ACAP1: variants seen among roughly 807,000 people sequenced by gnomAD.
The protein encoded by ACAP1 is arf-GAP with coiled-coil, ANK repeat and PH domain-containing protein 1.
In ACAP1, 45 loss-of-function variants were observed where a neutral mutation model predicts 98.8. The observed-to-expected ratio is 0.46, with a 90% confidence interval of 0.36 to 0.58. The LOEUF is 0.58. Ranked by LOEUF, ACAP1 falls within the 20% of genes least tolerant of loss-of-function variation. The pLI is 0.00. For synonymous variants in ACAP1, 362 were observed against 375.3 expected (o/e 0.96, Z 0.41); for missense variants, 735 against 971.4 (o/e 0.76, Z 3.24).
At chr17:7,351,133 C>G (rs899012113) in intron 21 of ACAP1, 134 bp downstream of exon 21, 31 of 1,123,396 alleles carry the variant, frequency 2.8e-5, no homozygotes, top group African/African-American at 2.3e-4. Flanking sequence ...GCGCATGCGA[C>G]GTGCCAGGCC....
Position 7,350,382 on chromosome 17 carries a change from A to T in ACAP1, c.2072+145A>T. 1 of 536,344 alleles carries T rather than the reference A, an allele frequency of 1.9e-6. No homozygotes were observed. Among genetic ancestry groups the T allele is most frequent in the Non-Finnish European group, 3.2e-6 (1 of 316,522 alleles). The allele number at this position is 536,344 out of a possible 1,614,324, so 33.2% of individuals were successfully genotyped here. On this transcript the variant is annotated intron_variant, in intron 20 of 21. Transcript: ENST00000158762. The surrounding 1 kb of genome is among the most constrained non-coding windows in gnomAD (Gnocchi z 4.6). ...AAGGGGCTGGGCCAGCGCCGGGGCC[A>T]GGCTCGAGAAAGGCTGCGCGAAGTG...
chr17:7,351,153 CAT>C (rs2143018918), intron 21 of ACAP1, 140 bp from the exon 22 acceptor site: 1 of 1,101,518 alleles, frequency 9.1e-7, no homozygotes, highest in South Asian at 1.4e-5. Flanking sequence ...CCTGGCAAGG[CAT>C]AGGTGCTGGC....
At chr17:7,347,343 G>A (rs1238397305) in intron 14 of ACAP1, 101 bp downstream of exon 14, 32 of 1,181,106 alleles carry the variant, frequency 2.7e-5, no homozygotes, top group Non-Finnish European at 3.3e-5. Context: ...CCCTGTCCTG[G>A]CTTCCTCTCT....
chr17:7,348,955 G>C (rs372578107), intron 17 of ACAP1, 40 bp from the exon 18 acceptor site: 14 of 1,589,738 alleles, frequency 8.8e-6, no homozygotes, highest in Non-Finnish European at 1.0e-5. Flanking sequence ...TCCCAGACTC[G>C]GAGCTGCTTC....
chr17:7,340,220 T>A (rs566660258), intron 2 of ACAP1, among the ~76,000 whole-genome samples: 2 of 151,750 alleles, frequency 1.3e-5, no homozygotes, highest in Non-Finnish European at 2.9e-5. Flanking sequence ...TGCAGTGAGC[T>A]ATGATCCCAC....
chr17:7,344,104 A>T lies in ACAP1; in HGVS notation c.725A>T (p.His242Leu). 6.3e-7 allele frequency: 1 copy of T among 1,581,626 alleles called. No individual in the cohort carries two copies. Among genetic ancestry groups the T allele is most frequent in the South Asian group, 1.2e-5 (1 of 86,902 alleles). The change falls in exon 9 of 22, where the codon CAC becomes CTC. Residue 242 changes from histidine to leucine, a missense_variant. This residue lies in a region of ACAP1 where 430 missense variants were observed against 531.8 expected (regional missense o/e 0.81). Transcript: ENST00000158762. This position sits in a 1 kb window ranked among gnomAD's most constrained non-coding sequence, Gnocchi z 4.9. Reference protein sequence around the residue: ...AREKRDMEQRHVLLKQKELGG... With the variant: ...AREKRDMEQRLVLLKQKELGG... ...GAGAAGAGGGACATGGAGCAGAGAC[A>T]CGTGCTGCTGAAACAGAAGGTGAGG... is the stretch of plus-strand genomic sequence containing the variant.
chr17:7,348,764 T>C (rs779155888), intron 17 of ACAP1: 22 of 581,854 alleles, frequency 3.8e-5, no homozygotes, highest in Non-Finnish European at 6.3e-5. Flanking sequence ...CCAAGTGTGG[T>C]TGGACCAGAT....
intron 2 of ACAP1, among the ~76,000 whole-genome samples, chr17:7,339,582 C>G (rs1007558679): frequency 2.6e-5 from 4 of 151,920 alleles, no homozygotes; most frequent in African/African-American, 9.7e-5. Context: ...CACACTCCAG[C>G]CTGCGGAGGT....
intron 2 of ACAP1, among the ~76,000 whole-genome samples, chr17:7,340,583 G>A (rs974515370): frequency 5.3e-5 from 8 of 152,200 alleles, no homozygotes; most frequent in Non-Finnish European, 1.0e-4. Flanking sequence ...AGTGGCTCAT[G>A]CCTGTAATCC....
Position 7,346,065 on chromosome 17 carries a change from T to TAGCA in ACAP1, c.855-178_855-175dup, listed in dbSNP as rs559622367. 8.9e-4 allele frequency: 587 copies of TAGCA among 663,134 alleles called. 4 individuals are homozygous for TAGCA. In the African/African-American group the frequency reaches 9.5e-3, roughly 11 times the overall value. The allele number at this position is 663,134 out of a possible 1,614,324, so 41.1% of individuals were successfully genotyped here. On this transcript the variant is annotated intron_variant, in intron 10 of 21. Transcript: ENST00000158762. ...AAATCTGGGTTGTCCAAGATAGGAA[T>TAGCA]AGCATCCTTTAGATGTTCCAATCTG...
rs1335357672 is a variant in ACAP1 at position 7,347,078 on chromosome 17, T to C, written c.1179T>C (p.Gly393=). 1.2e-6 allele frequency: 2 copies of C among 1,611,160 alleles called. No individual in the cohort carries two copies. The highest frequency in any genetic ancestry group is 1.7e-5 in the Admixed American group (1 of 59,792). Residue 393 remains glycine, a synonymous_variant, in exon 14 of 22, where the codon GGT becomes GGC. Transcript: ENST00000158762. ...AIGSAATLGS[G]GMARGREPGG... is the part of the protein sequence containing the mutation. ...GCTCTGCTGCCACCCTGGGCTCTGGTGGAATGGCCAGGGGAAGGGAGCCTG... is the reference window on the plus strand; with the variant it reads ...GCTCTGCTGCCACCCTGGGCTCTGGCGGAATGGCCAGGGGAAGGGAGCCTG...
chr17:7,339,963 C>G (rs2073259821), intron 2 of ACAP1, among the ~76,000 whole-genome samples: 1 of 152,122 alleles, frequency 6.6e-6, no homozygotes, highest in Non-Finnish European at 1.5e-5. Flanking sequence ...TCCCCCCTCA[C>G]TCAGAATAAT....
Position 7,350,644 on chromosome 17 carries a change from T to C in ACAP1, c.2073-306T>C, listed in dbSNP as rs550483675. Reference sequence around the variant, plus strand: ...TTTTTTTTGAGACGGAGTCTCACTCTGTCGCCCAGGCTAGAGTGCAGGGGC... The same window carrying C: ...TTTTTTTTGAGACGGAGTCTCACTCCGTCGCCCAGGCTAGAGTGCAGGGGC... On this transcript the variant is annotated intron_variant, in intron 20 of 21. Transcript: ENST00000158762. This position sits in a 1 kb window ranked among gnomAD's most constrained non-coding sequence, Gnocchi z 4.6. 42 of 392,030 alleles carry C rather than the reference T, an allele frequency of 1.1e-4. No homozygotes were observed. Among genetic ancestry groups the C allele is most frequent in the African/African-American group, 8.1e-4 (39 of 48,092 alleles). 24.3% of individuals were successfully genotyped at this position (392,030 alleles called of 1,614,324 possible). A position where few individuals can be genotyped will look rare whatever the true frequency, so the allele number is the denominator to read the frequency against.
chr17:7,346,758 G>C (rs746942191), intron 12 of ACAP1, 50 bp from the exon 13 acceptor site: 1 of 1,567,914 alleles, frequency 6.4e-7, no homozygotes, highest in Non-Finnish European at 8.7e-7. Context: ...CTGCCACTTT[G>C]CTTCCCAGGC....
chr17:7,347,066 C>T lies in ACAP1; in HGVS notation c.1167C>T (p.Thr389=). ...ACCTGGCCATAGGCTCTGCTGCCACCCTGGGCTCTGGTGGAATGGCCAGGG... is the reference window on the plus strand; with the variant it reads ...ACCTGGCCATAGGCTCTGCTGCCACTCTGGGCTCTGGTGGAATGGCCAGGG... The part of the protein sequence containing the change: ...SGHLAIGSAA[T]LGSGGMARGR... The change falls in exon 14 of 22, where the codon ACC becomes ACT. Residue 389 remains threonine (T), a synonymous_variant. Coordinates refer to ENST00000158762, the MANE Select transcript of ACAP1 (RefSeq NM_014716.4). 1 of 1,609,018 alleles carries T rather than the reference C, an allele frequency of 6.2e-7. No individual in the cohort carries two copies. The highest frequency in any genetic ancestry group is 8.5e-7 in the Non-Finnish European group (1 of 1,176,940).
rs1326307909 is a variant in ACAP1, at chr17:7,343,844, C to A, written c.574-17C>A. On this transcript the variant is annotated splice_polypyrimidine_tract_variant and intron_variant, in intron 7 of 21. Transcript: ENST00000158762. The surrounding 1 kb of genome is among the most constrained non-coding windows in gnomAD (Gnocchi z 4.9). Reference sequence around the variant, plus strand: ...GGGTTCTTCCTCAGCCTTCCCACTGCCCGCCTTGTCCCCCAGGTGCTGCGT... The same window carrying A: ...GGGTTCTTCCTCAGCCTTCCCACTGACCGCCTTGTCCCCCAGGTGCTGCGT... 6.2e-7 allele frequency: 1 copy of A among 1,613,984 alleles called. No individual in the cohort carries two copies. The highest frequency in any genetic ancestry group is 1.1e-5 in the South Asian group (1 of 91,082).
Position 7,350,880 on chromosome 17 carries a change from G to A in ACAP1, c.2073-70G>A, listed in dbSNP as rs1597656653. On this transcript the variant is annotated intron_variant, in intron 20 of 21. Coordinates refer to ENST00000158762, the MANE Select transcript of ACAP1 (RefSeq NM_014716.4). The surrounding 1 kb of genome is among the most constrained non-coding windows in gnomAD (Gnocchi z 4.6). ...CTGCCTCGGCCTCCCAAAGTGTTGG[G>A]ATTACAGGCGTGAGCCACCGCGCCC... 1 of 1,515,122 alleles carries A rather than the reference G, an allele frequency of 6.6e-7. No individual in the cohort carries two copies. Among genetic ancestry groups the A allele is most frequent in the Admixed American group, 1.7e-5 (1 of 59,614 alleles). The allele number at this position is 1,515,122 out of a possible 1,614,324, so 93.9% of individuals were successfully genotyped here.
intron 2 of ACAP1, among the ~76,000 whole-genome samples, chr17:7,337,704 A>G (rs974478826): frequency 6.6e-6 from 1 of 152,016 alleles, no homozygotes; most frequent in Non-Finnish European, 1.5e-5. Flanking sequence ...AAATGCAAAA[A>G]TCATCCAGGC....
Position 7,339,134 on chromosome 17 carries a change from CA to C in ACAP1, c.111+1771del, listed in dbSNP as rs1329592988. 4.6e-5 allele frequency among the ~76,000 whole-genome samples: 7 copies of C among 151,120 alleles called. No individual in the cohort carries two copies. The East Asian group carries it at 1.4e-3, about 30-fold the overall frequency. ...TGAAACCCCGTCTCTACTAAAAATA[CA>C]AAAAATTATTCGGGTGTGGCGGCAG... On this transcript the variant is annotated intron_variant, in intron 2 of 21. Coordinates refer to ENST00000158762, the MANE Select transcript of ACAP1 (RefSeq NM_014716.4).
Sources: gnomAD v4.1 joint callset for allele counts (sites outside exome capture counted in the v4.1 genomes callset) on GRCh38, gnomAD v4.1.1 for gene constraint, gnomAD v4.1.1 regional missense constraint, Gnocchi (gnomAD v3.1) non-coding constraint, MANE v1.5 for transcripts, NCBI Gene and HGNC (gene_info 2026-07-23, HGNC 2026-07-21) for gene names.